PLXNC1: variants seen among roughly 807,000 people sequenced by gnomAD.
PLXNC1 encodes plexin C1, also known as plexin-C1.
In PLXNC1, 75 loss-of-function variants were observed where a neutral mutation model predicts 178.2. That is an observed-to-expected ratio of 0.42 (90% CI 0.35 to 0.51). The LOEUF (loss-of-function observed/expected upper bound fraction) is 0.51. PLXNC1 is among the 20% of genes least tolerant of loss of function. The pLI is 0.02. For synonymous variants in PLXNC1, 790 were observed against 779.9 expected (o/e 1.01, Z -0.22); for missense variants, 1,503 against 1,984.4 (o/e 0.76, Z 4.61).
At chr12:94,233,763 C>T (rs1314566781) in intron 9 of PLXNC1, among the ~76,000 whole-genome samples, 1 of 152,086 alleles carries the variant, frequency 6.6e-6, no homozygotes, top group Non-Finnish European at 1.5e-5. Flanking sequence ...CTTGAGTGGA[C>T]CTGTATTTTG....
chr12:94,293,380 C>G (rs1967562224), intron 23 of PLXNC1, among the ~76,000 whole-genome samples: 1 of 152,184 alleles, frequency 6.6e-6, no homozygotes, highest in African/African-American at 2.4e-5. Flanking sequence ...TTTCTGAAAA[C>G]CCATTTCAGC....
At chr12:94,277,461 C>A (rs187890629) in intron 21 of PLXNC1, among the ~76,000 whole-genome samples, 1 of 152,340 alleles carries the variant, frequency 6.6e-6, no homozygotes, top group East Asian at 1.9e-4. Flanking sequence ...CCATAAGTCA[C>A]GGGCTCACAT....
At chr12:94,273,907 G>A (rs1342125141) in intron 21 of PLXNC1, among the ~76,000 whole-genome samples, 1 of 152,032 alleles carries the variant, frequency 6.6e-6, no homozygotes, top group Admixed American at 6.5e-5. Context: ...CTCCAAGCCG[G>A]TCCCTACATT....
At chr12:94,273,937 C>G (rs1726913) in intron 21 of PLXNC1, among the ~76,000 whole-genome samples, 5 of 151,994 alleles carry the variant, frequency 3.3e-5, no homozygotes, top group Non-Finnish European at 5.9e-5. Context: ...CAGAGCTCTG[C>G]GTCACCATCT....
chr12:94,219,459 A>G (rs1963729944), intron 5 of PLXNC1, among the ~76,000 whole-genome samples: 1 of 152,262 alleles, frequency 6.6e-6, no homozygotes, highest in East Asian at 1.9e-4. Context: ...AGCTTAAAAA[A>G]TAAAGCAATA....
At chr12:94,153,078 T>C (rs1961018848) in intron 1 of PLXNC1, among the ~76,000 whole-genome samples, 1 of 152,278 alleles carries the variant, frequency 6.6e-6, no homozygotes, top group African/African-American at 2.4e-5. Flanking sequence ...ACATGTATTA[T>C]TTCTTTTGAG....
chr12:94,149,583 C>T lies in PLXNC1; in HGVS notation c.612C>T (p.Ala204=). ...CNPAASDHDT[A]IALKDTEGRS... The stretch of plus-strand genomic sequence containing the variant: ...CCGCGGCATCCGACCACGACACGGC[C>T]ATCGCGCTCAAGGACACGGAGGGGC... The change falls in exon 1 of 31, where the codon GCC becomes GCT. Residue 204 remains alanine, a synonymous_variant. Transcript: ENST00000258526. The T allele has an allele frequency of 6.4e-7, 1 of 1,570,118 alleles. No individual in the cohort carries two copies. The highest frequency in any genetic ancestry group is 8.6e-7 in the Non-Finnish European group (1 of 1,160,818).
chr12:94,268,588 C>T (rs924791136), intron 21 of PLXNC1, among the ~76,000 whole-genome samples: 23 of 90,886 alleles, frequency 2.5e-4, no homozygotes, highest in Middle Eastern at 8.3e-3. Context: ...AGAATAAGAC[C>T]TTTTTTTTTT....
At chr12:94,208,641 ATT>A (rs1364258961) in intron 4 of PLXNC1, among the ~76,000 whole-genome samples, 2 of 152,196 alleles carry the variant, frequency 1.3e-5, no homozygotes, top group African/African-American at 4.8e-5. Context: ...CCACCCCTGC[ATT>A]TTAATCTTCA....
At chr12:94,199,179 T>G (rs1332790737) in intron 4 of PLXNC1, among the ~76,000 whole-genome samples, 1 of 152,216 alleles carries the variant, frequency 6.6e-6, no homozygotes, top group African/African-American at 2.4e-5. Context: ...GTTTTGGGGC[T>G]ATCCGCCTTC....
chr12:94,258,498 C>T (rs1964915859), intron 17 of PLXNC1, among the ~76,000 whole-genome samples: 1 of 152,166 alleles, frequency 6.6e-6, no homozygotes, highest in South Asian at 2.1e-4. Flanking sequence ...TTTAGAGTCT[C>T]ATTCTGTGGA....
chr12:94,306,541 CAGA>C lies in PLXNC1; in HGVS notation c.*1262_*1264del, dbSNP rs772248322. The C allele has an allele frequency of 2.6e-5, 4 of 152,202 alleles. No individual in the cohort carries two copies. Among genetic ancestry groups the C allele is most frequent in the East Asian group, 3.9e-4 (2 of 5,182 alleles). 9.4% of individuals were successfully genotyped at this position (152,202 alleles called of 1,614,324 possible). On this transcript the variant is annotated 3_prime_UTR_variant, in exon 31 of 31. Coordinates refer to ENST00000258526, the MANE Select transcript of PLXNC1 (RefSeq NM_005761.3). ...CCACTGTGTTTTCCTTCTATTAAAC[CAGA>C]AGAAGTAAACAGCATAATTGGCAAC...
At chr12:94,203,789 G>T (rs150518161) in intron 4 of PLXNC1, among the ~76,000 whole-genome samples, 115 of 152,286 alleles carry the variant, frequency 7.6e-4, no homozygotes, top group African/African-American at 2.6e-3. Context: ...AGGAAGGTGC[G>T]ATGGTTTGAA....
intron 2 of PLXNC1, among the ~76,000 whole-genome samples, chr12:94,176,073 T>A (rs1023250788): frequency 8.5e-5 from 13 of 152,206 alleles, no homozygotes; most frequent in African/African-American, 3.1e-4. Context: ...TCCTGGAAGA[T>A]AAAAATCCAC....
Position 94,237,684 on chromosome 12 carries a change from T to C in PLXNC1, c.2001T>C (p.Ile667=). ...QALQVFYIKS[I]EPQKVSTLGK... Reference sequence around the variant, plus strand: ...AATAGGTCTTCTACATTAAGTCCATTGAGCCACAGAAAGTATCGACATTAG... The same window carrying C: ...AATAGGTCTTCTACATTAAGTCCATCGAGCCACAGAAAGTATCGACATTAG... Residue 667 remains isoleucine (I), a synonymous_variant, in exon 10 of 31, where the codon ATT becomes ATC. Coordinates refer to ENST00000258526, the MANE Select transcript of PLXNC1 (RefSeq NM_005761.3). 6.2e-7 allele frequency: 1 copy of C among 1,613,866 alleles called. No individual in the cohort carries two copies. The highest frequency in any genetic ancestry group is 1.7e-5 in the Admixed American group (1 of 59,992).
chr12:94,173,763 T>C (rs1460435660), intron 2 of PLXNC1, among the ~76,000 whole-genome samples: 2 of 152,202 alleles, frequency 1.3e-5, no homozygotes, highest in Non-Finnish European at 2.9e-5. Flanking sequence ...TAAGGGTTGA[T>C]ACCAAGATGC....
At chr12:94,259,832 G>C (rs966545781) in intron 19 of PLXNC1, 98 bp downstream of exon 19, 1 of 1,065,060 alleles carries the variant, frequency 9.4e-7, no homozygotes, top group African/African-American at 1.6e-5. Flanking sequence ...GGGAGGCCAA[G>C]GCAGGCAATC....
intron 21 of PLXNC1, among the ~76,000 whole-genome samples, chr12:94,267,980 G>T (rs962998614): frequency 6.6e-6 from 1 of 152,244 alleles, no homozygotes. Context: ...CTGATTCTGT[G>T]TGTCCTTGTG....
At chr12:94,281,917 C>T (rs1966470388) in intron 22 of PLXNC1, 1 of 211,654 alleles carries the variant, frequency 4.7e-6, no homozygotes, top group South Asian at 6.5e-5. Context: ...TCCCCCTCCA[C>T]CCCGAACAGG....
Sources: allele counts gnomAD v4.1 joint callset (sites outside exome capture counted in the v4.1 genomes callset), GRCh38; gene constraint gnomAD v4.1.1; transcripts MANE v1.5; gene names NCBI Gene and HGNC (gene_info 2026-07-23, HGNC 2026-07-21).